The following SLCO5A1 variants were observed in gnomAD, a reference collection of about 807,000 sequenced individuals.
The protein encoded by SLCO5A1 is organic anion transporter polypeptide-related protein 4.
In SLCO5A1, 39 loss-of-function variants were observed where a neutral mutation model predicts 65.1. The observed-to-expected ratio is 0.60, with a 90% confidence interval of 0.46 to 0.78. The LOEUF (loss-of-function observed/expected upper bound fraction) is 0.78, where lower values mean the gene tolerates loss of function less well. Ranked by LOEUF, SLCO5A1 falls within the 30% of genes least tolerant of loss-of-function variation. The pLI, the probability that SLCO5A1 is intolerant of heterozygous loss-of-function variation, is 0.00. For missense variants in SLCO5A1, 1,029 were observed against 1,069.4 expected (o/e 0.96, Z 0.53); for synonymous variants, 438 against 415.7 (o/e 1.05, Z -0.65).
chr8:69,813,549 T>A (rs564249358), intron 2 of SLCO5A1, among the ~76,000 whole-genome samples: 29 of 152,160 alleles, frequency 1.9e-4, no homozygotes, highest in Non-Finnish European at 3.7e-4. Context: ...TACCATCAGG[T>A]AATACACAGC....
At chr8:69,769,982 CA>C (rs1818245202) in intron 2 of SLCO5A1, among the ~76,000 whole-genome samples, 1 of 152,146 alleles carries the variant, frequency 6.6e-6, no homozygotes, top group Non-Finnish European at 1.5e-5. Context: ...ACCACAGTGA[CA>C]ATAACAATAG....
rs577602083 is a variant in SLCO5A1 at position 69,682,918 on chromosome 8, T to C, written c.1623-575A>G. ...AAGTATTTTCAAAGATGATTAGGAA[T>C]CACATTGCTAGTTTGATTTAAACAA... On this transcript the variant is annotated intron_variant, in intron 6 of 9. Coordinates refer to ENST00000260126, the MANE Select transcript of SLCO5A1 (RefSeq NM_030958.3). Among the ~76,000 whole-genome samples the C allele has an allele frequency of 2.0e-5, 3 of 152,320 alleles. No homozygotes were observed. The South Asian group carries it at 6.2e-4, about 32-fold the overall frequency.
At chr8:69,772,864 G>T in intron 2 of SLCO5A1, 1 of 931,050 alleles carries the variant, frequency 1.1e-6, no homozygotes, top group Non-Finnish European at 1.3e-6. Flanking sequence ...AGGGCTCACT[G>T]CAAAGGTGAA....
At chr8:69,823,177 A>G (rs1820721156) in intron 2 of SLCO5A1, among the ~76,000 whole-genome samples, 1 of 152,216 alleles carries the variant, frequency 6.6e-6, no homozygotes, top group Admixed American at 6.5e-5. Context: ...ATTACAAATT[A>G]TGGTCTACAT....
intron 6 of SLCO5A1, among the ~76,000 whole-genome samples, chr8:69,692,339 GGTGA>G (rs1158800131): frequency 6.6e-6 from 1 of 152,304 alleles, no homozygotes; most frequent in South Asian, 2.1e-4. Context: ...ATTTGCTCTG[GGTGA>G]GTGAATGAGT....
At chr8:69,699,945 C>G (rs546005266) in intron 6 of SLCO5A1, among the ~76,000 whole-genome samples, 1 of 152,086 alleles carries the variant, frequency 6.6e-6, no homozygotes, top group South Asian at 2.1e-4. Flanking sequence ...ATAGAGTGAC[C>G]GCATCTCTAC....
chr8:69,830,542 G>A (rs773916274), intron 2 of SLCO5A1, among the ~76,000 whole-genome samples: 1 of 152,034 alleles, frequency 6.6e-6, no homozygotes, highest in Non-Finnish European at 1.5e-5. Flanking sequence ...TGTTTAGGTT[G>A]CACTCCAGTA....
chr8:69,686,966 G>A (rs1369371032), intron 6 of SLCO5A1, among the ~76,000 whole-genome samples: 1 of 152,160 alleles, frequency 6.6e-6, no homozygotes, highest in Non-Finnish European at 1.5e-5. Context: ...TCACACAGTC[G>A]TTGTGGGGGA....
At chr8:69,767,346 G>C (rs1048365966) in intron 2 of SLCO5A1, among the ~76,000 whole-genome samples, 3 of 152,102 alleles carry the variant, frequency 2.0e-5, no homozygotes, top group African/African-American at 7.2e-5. Flanking sequence ...CTGCATCCTT[G>C]ACAGCAGGAA....
In SLCO5A1 at chr8:69,673,099, T is replaced by C. The variant is rs187733575; in HGVS notation, c.2317A>G (p.Arg773Gly). 2.8e-5 allele frequency: 45 copies of C among 1,614,262 alleles called. No individual in the cohort carries two copies. The African/African-American group carries it at 3.6e-4, about 13-fold the overall frequency. ...CTCACGGTGCTCAGGGGAAATTCTC[T>C]CTGCCTCCGCCTCTGCAGTCCATCC... Reference protein sequence around the residue: ...KEDGLQRRRQREFPLSTVSER... With the variant: ...KEDGLQRRRQGEFPLSTVSER... Residue 773 changes from arginine to glycine, a missense_variant, in exon 10 of 10, where the codon AGA (arginine) becomes GGA (glycine). By Grantham distance (125) the Arg-to-Gly change is moderately radical (BLOSUM62 -2). Coordinates refer to ENST00000260126, the MANE Select transcript of SLCO5A1 (RefSeq NM_030958.3).
intron 5 of SLCO5A1, among the ~76,000 whole-genome samples, chr8:69,706,548 A>G (rs2062088886): frequency 6.6e-6 from 1 of 152,212 alleles, no homozygotes; most frequent in African/African-American, 2.4e-5. Flanking sequence ...CCCTTATAAA[A>G]GAGGCCTGAA....
chr8:69,776,353 A>G lies in SLCO5A1; in HGVS notation c.908-14478T>C, dbSNP rs1009784908. 2.6e-5 allele frequency among the ~76,000 whole-genome samples: 4 copies of G among 152,192 alleles called. No homozygotes were observed. The East Asian group carries it at 7.7e-4, about 29-fold the overall frequency. Reference sequence around the variant, plus strand: ...TACTTATTTTAAAATTTAAGTGAAAATGAAGGATACAAAATTCTTTTAATA... The same window carrying G: ...TACTTATTTTAAAATTTAAGTGAAAGTGAAGGATACAAAATTCTTTTAATA... On this transcript the variant is annotated intron_variant, in intron 2 of 9. Coordinates refer to ENST00000260126, the MANE Select transcript of SLCO5A1 (RefSeq NM_030958.3).
intron 6 of SLCO5A1, among the ~76,000 whole-genome samples, chr8:69,703,340 A>G (rs1191247228): frequency 6.6e-6 from 1 of 152,076 alleles, no homozygotes; most frequent in African/African-American, 2.4e-5. Flanking sequence ...AGCACACAAG[A>G]GAAGTGATAA....
At chr8:69,738,323 A>G (rs1816651950) in intron 4 of SLCO5A1, 119 bp from the exon 5 acceptor site, 1 of 899,862 alleles carries the variant, frequency 1.1e-6, no homozygotes, top group African/African-American at 1.7e-5. Context: ...GCCACCAAGG[A>G]ATAAAAATAG....
chr8:69,778,324 T>C (rs1818655979), intron 2 of SLCO5A1, among the ~76,000 whole-genome samples: 1 of 152,058 alleles, frequency 6.6e-6, no homozygotes, highest in Non-Finnish European at 1.5e-5. Context: ...TTTATGTCAA[T>C]TTTATCTCAG....
intron 2 of SLCO5A1, among the ~76,000 whole-genome samples, chr8:69,830,339 A>G (rs1401695148): frequency 2.0e-5 from 3 of 152,146 alleles, no homozygotes; most frequent in African/African-American, 7.2e-5. Context: ...TGCTAAATAT[A>G]GCTAGTATTT....
chr8:69,734,867 C>T (rs973512236), intron 5 of SLCO5A1, among the ~76,000 whole-genome samples: 2 of 151,926 alleles, frequency 1.3e-5, no homozygotes, highest in Non-Finnish European at 2.9e-5. Context: ...AACAAAAGAG[C>T]TCAAATTTTA....
At chr8:69,737,647 A>G (rs1158512989) in intron 5 of SLCO5A1, among the ~76,000 whole-genome samples, 1 of 152,212 alleles carries the variant, frequency 6.6e-6, no homozygotes, top group East Asian at 1.9e-4. Context: ...CTGAAGGGGA[A>G]ATCCTGCTAC....
intron 6 of SLCO5A1, among the ~76,000 whole-genome samples, chr8:69,692,904 A>AAGTAT (rs1814335543): frequency 6.6e-6 from 1 of 152,190 alleles, no homozygotes; most frequent in Non-Finnish European, 1.5e-5. Context: ...TAATGATTAA[A>AAGTAT]AGTATAGTAT....
Sources: allele counts gnomAD v4.1 joint callset (sites outside exome capture counted in the v4.1 genomes callset), GRCh38; gene constraint gnomAD v4.1.1; transcripts MANE v1.5; gene names NCBI Gene and HGNC (gene_info 2026-07-23, HGNC 2026-07-21).